PDZRN4: variants seen among roughly 807,000 people sequenced by gnomAD.
The protein encoded by PDZRN4 is PDZ domain containing ring finger 4, also known as PDZ domain-containing RING finger protein 4.
In PDZRN4, 70 loss-of-function variants were observed where a neutral mutation model predicts 99.0. That is an observed-to-expected ratio of 0.71 (90% CI 0.58 to 0.86). The LOEUF is 0.86. PDZRN4 is among the 40% of genes least tolerant of loss of function. The pLI, the probability that PDZRN4 is intolerant of heterozygous loss-of-function variation, is 0.00. For synonymous variants in PDZRN4, 551 were observed against 501.6 expected, an observed-to-expected ratio of 1.10 and a Z score of -1.32; for missense variants, 1,474 against 1,331.2, an observed-to-expected ratio of 1.11 and a Z score of -1.67.
rs1299817621 is a variant in PDZRN4 at position 41,227,522 on chromosome 12, A to C, written c.843+33334A>C. Among the ~76,000 whole-genome samples the C allele has an allele frequency of 3.3e-5, 5 of 151,818 alleles. No homozygotes were observed. The East Asian group carries it at 9.7e-4, about 29-fold the overall frequency. ...TCTACCCAAAATACAAAAATTATCC[A>C]GGTGTGGTGGCACATACCTGTAGTC... On this transcript the variant is annotated intron_variant, in intron 3 of 9. Coordinates refer to ENST00000402685, the MANE Select transcript of PDZRN4 (RefSeq NM_001164595.2).
intron 4 of PDZRN4, among the ~76,000 whole-genome samples, chr12:41,509,223 C>A (rs949667170): frequency 2.0e-5 from 3 of 151,896 alleles, no homozygotes; most frequent in African/African-American, 7.3e-5. Flanking sequence ...CATGAATGTT[C>A]TTTAATATTT....
At chr12:41,557,896 A>G (rs7137276) in intron 7 of PDZRN4, among the ~76,000 whole-genome samples, 29 of 152,188 alleles carry the variant, frequency 1.9e-4, no homozygotes, top group African/African-American at 6.8e-4. Flanking sequence ...CAGGAAGCCA[A>G]GACATAGTCT....
chr12:41,414,976 A>T (rs1952432049), intron 3 of PDZRN4, among the ~76,000 whole-genome samples: 1 of 152,200 alleles, frequency 6.6e-6, no homozygotes, highest in Non-Finnish European at 1.5e-5. Flanking sequence ...GAAAATGAGC[A>T]GTATGAGCTC....
chr12:41,255,118 A>T lies in PDZRN4; in HGVS notation c.843+60930A>T, dbSNP rs1951195273. Among the ~76,000 whole-genome samples the T allele has an allele frequency of 2.6e-5, 4 of 152,092 alleles. No homozygotes were observed. The South Asian group carries it at 8.3e-4, about 32-fold the overall frequency. On this transcript the variant is annotated intron_variant, in intron 3 of 9. Transcript: ENST00000402685. ...TTGGCTCCCTGGGTGTGGAAAGGGG[A>T]CTAATTGATGCAGGAGTGATTTATG...
intron 3 of PDZRN4, among the ~76,000 whole-genome samples, chr12:41,317,344 T>C (rs565878523): frequency 5.3e-5 from 8 of 151,442 alleles, no homozygotes; most frequent in Middle Eastern, 3.4e-3. Flanking sequence ...GAAGGTAGAG[T>C]TGTGTCTTCC....
rs781755415 is a variant in PDZRN4 at position 41,572,891 on chromosome 12, T to C, written c.2112T>C (p.Asp704=). 5 of 1,614,014 alleles carry C rather than the reference T, an allele frequency of 3.1e-6. No homozygotes were observed. The African/African-American group carries it at 5.3e-5, about 17-fold the overall frequency. ...DQYGDIWTLH[D]GGFRNYNTSI... ...ATGGAGACATCTGGACATTGCATGATGGAGGATTCCGGAATTATAACACCA... is the reference window on the plus strand; with the variant it reads ...ATGGAGACATCTGGACATTGCATGACGGAGGATTCCGGAATTATAACACCA... Residue 704 remains aspartate (D), a synonymous_variant, in exon 10 of 10, where the codon GAT becomes GAC. Transcript: ENST00000402685.
chr12:41,393,919 A>G (rs1952227596), intron 3 of PDZRN4, among the ~76,000 whole-genome samples: 1 of 152,232 alleles, frequency 6.6e-6, no homozygotes. Context: ...GCGTCTCTGC[A>G]ATGACAATTA....
chr12:41,198,538 C>A (rs1302847003), intron 3 of PDZRN4, among the ~76,000 whole-genome samples: 1 of 145,322 alleles, frequency 6.9e-6, no homozygotes, highest in Non-Finnish European at 1.5e-5. Flanking sequence ...TAATGCAATG[C>A]AGCATAAAAG....
At chr12:41,517,335 A>C (rs1938418705) in intron 5 of PDZRN4, among the ~76,000 whole-genome samples, 3 of 152,058 alleles carry the variant, frequency 2.0e-5, no homozygotes, top group Admixed American at 6.6e-5. Flanking sequence ...TTTTTGTTTG[A>C]AGATACTTAT....
chr12:41,386,998 T>G (rs577510678), intron 3 of PDZRN4, among the ~76,000 whole-genome samples: 3 of 151,976 alleles, frequency 2.0e-5, no homozygotes, highest in Admixed American at 1.3e-4. Flanking sequence ...ACACTTAAAT[T>G]TAAAATCCCA....
intron 3 of PDZRN4, among the ~76,000 whole-genome samples, chr12:41,448,629 C>T (rs1180563397): frequency 1.3e-5 from 2 of 152,062 alleles, no homozygotes; most frequent in East Asian, 1.9e-4. Context: ...ACTGCATTCA[C>T]CAAGGAAACA....
At chr12:41,508,414 T>G (rs1938244919) in intron 4 of PDZRN4, among the ~76,000 whole-genome samples, 1 of 152,168 alleles carries the variant, frequency 6.6e-6, no homozygotes, top group Admixed American at 6.5e-5. Context: ...AATTCCCACT[T>G]TGCTGCTTTC....
intron 3 of PDZRN4, among the ~76,000 whole-genome samples, chr12:41,434,432 A>G (rs1182094436): frequency 6.6e-6 from 1 of 152,092 alleles, no homozygotes; most frequent in Non-Finnish European, 1.5e-5. Context: ...CAGTACTTAG[A>G]TCCTTGAATG....
At chr12:41,423,693 A>G (rs1028054957) in intron 3 of PDZRN4, among the ~76,000 whole-genome samples, 2 of 152,100 alleles carry the variant, frequency 1.3e-5, no homozygotes, top group African/African-American at 4.8e-5. Context: ...TTATTTTGCC[A>G]TTGGACTCCT....
intron 3 of PDZRN4, among the ~76,000 whole-genome samples, chr12:41,215,467 T>C (rs2120710285): frequency 6.6e-6 from 1 of 152,170 alleles, no homozygotes; most frequent in South Asian, 2.1e-4. Flanking sequence ...GAATATCACT[T>C]TTTAAATTAT....
At chr12:41,321,487 A>G (rs780031373) in intron 3 of PDZRN4, among the ~76,000 whole-genome samples, 9 of 152,212 alleles carry the variant, frequency 5.9e-5, no homozygotes, top group East Asian at 1.9e-4. Flanking sequence ...GTGTTTCTAT[A>G]TGCAGATTTT....
intron 5 of PDZRN4, among the ~76,000 whole-genome samples, chr12:41,550,837 G>T (rs1193505309): frequency 6.6e-6 from 1 of 152,148 alleles, no homozygotes; most frequent in East Asian, 1.9e-4. Context: ...TACCCATGAT[G>T]TACAGCACAT....
At chr12:41,482,392 A>G (rs1482879242) in intron 3 of PDZRN4, among the ~76,000 whole-genome samples, 1 of 152,182 alleles carries the variant, frequency 6.6e-6, no homozygotes, top group Non-Finnish European at 1.5e-5. Flanking sequence ...TAGGATGAGA[A>G]CTTGGATTCT....
chr12:41,331,811 C>A (rs1245514082), intron 3 of PDZRN4, among the ~76,000 whole-genome samples: 2 of 152,034 alleles, frequency 1.3e-5, no homozygotes, highest in Admixed American at 1.3e-4. Flanking sequence ...CAAGAAAAGC[C>A]CCTTATAAAA....
Sources: allele counts gnomAD v4.1 joint callset (sites outside exome capture counted in the v4.1 genomes callset), GRCh38; gene constraint gnomAD v4.1.1; transcripts MANE v1.5; gene names NCBI Gene and HGNC (gene_info 2026-07-23, HGNC 2026-07-21).